DCC: variants seen among roughly 807,000 people sequenced by gnomAD.
DCC encodes DCC netrin 1 receptor, also known as netrin receptor DCC.
DCC carries 58 observed loss-of-function variants against 172.5 expected under a neutral mutation model. The observed-to-expected ratio is 0.34, with a 90% confidence interval of 0.27 to 0.42. DCC has a LOEUF of 0.42. Ranked by LOEUF, DCC falls within the 10% of genes least tolerant of loss-of-function variation. The pLI is 1.00. For synonymous variants in DCC, 709 were observed against 644.5 expected (o/e 1.10, Z -1.52); for missense variants, 1,740 against 1,791.0 (o/e 0.97, Z 0.51).
chr18:52,371,313 A>G (rs528874113), intron 1 of DCC, among the ~76,000 whole-genome samples: 6 of 152,356 alleles, frequency 3.9e-5, no homozygotes, highest in African/African-American at 9.6e-5. Context: ...GGGAAATACC[A>G]AAGTGAAAAT....
chr18:52,605,501 T>C (rs1223109938), intron 1 of DCC, among the ~76,000 whole-genome samples: 2 of 152,294 alleles, frequency 1.3e-5, no homozygotes, highest in Middle Eastern at 3.4e-3. Context: ...CATACAAAGA[T>C]GTGGTACTTT....
chr18:53,217,166 C>T (rs1204009275), intron 12 of DCC, among the ~76,000 whole-genome samples: 1 of 151,794 alleles, frequency 6.6e-6, no homozygotes, highest in Non-Finnish European at 1.5e-5. Context: ...GTGTATAGGG[C>T]ATTACTGAAT....
intron 2 of DCC, among the ~76,000 whole-genome samples, chr18:52,883,833 C>T (rs912917876): frequency 2.0e-5 from 3 of 151,748 alleles, no homozygotes; most frequent in African/African-American, 7.3e-5. Context: ...TGCTTATTAA[C>T]ATCTTTTTCT....
intron 12 of DCC, among the ~76,000 whole-genome samples, chr18:53,251,233 A>T (rs1479029352): frequency 2.6e-5 from 4 of 151,912 alleles, no homozygotes; most frequent in African/African-American, 9.7e-5. Flanking sequence ...AAAATTCACC[A>T]TGATTTCCTA....
chr18:52,478,976 C>T (rs1260790992), intron 1 of DCC, among the ~76,000 whole-genome samples: 1 of 152,142 alleles, frequency 6.6e-6, no homozygotes, highest in African/African-American at 2.4e-5. Flanking sequence ...AATGGCTCTG[C>T]TGGCATGGGA....
In DCC at chr18:52,670,569, G is replaced by T. The variant is rs139722371; in HGVS notation, c.92-81485G>T. 5.8e-3 allele frequency among the ~76,000 whole-genome samples: 888 copies of T among 152,310 alleles called. 8 individuals are homozygous for T. Among genetic ancestry groups the T allele is most frequent in the African/African-American group, 0.02 (835 of 41,570 alleles). ...TAATTCTGAAAGCTGGCCAGGCGTG[G>T]TGGCTCACGCCTGTAATCCCAGCAC... On this transcript the variant is annotated intron_variant, in intron 1 of 28. Transcript: ENST00000442544.
chr18:52,918,918 CTA>C (rs1467795293), intron 3 of DCC, among the ~76,000 whole-genome samples: 1 of 152,038 alleles, frequency 6.6e-6, no homozygotes, highest in African/African-American at 2.4e-5. Flanking sequence ...GCATAATAAA[CTA>C]AAAAATTTAA....
intron 12 of DCC, among the ~76,000 whole-genome samples, chr18:53,281,990 A>G (rs2056878022): frequency 1.3e-5 from 2 of 152,156 alleles, no homozygotes; most frequent in South Asian, 4.1e-4. Flanking sequence ...AAGCACCCTT[A>G]GTTTAGATAG....
intron 22 of DCC, among the ~76,000 whole-genome samples, chr18:53,442,866 C>G (rs1047228513): frequency 1.3e-5 from 2 of 152,206 alleles, no homozygotes; most frequent in African/African-American, 4.8e-5. Context: ...ACAACATTCC[C>G]TTCAGTCAAA....
chr18:52,980,415 G>A (rs1178499342), intron 5 of DCC, among the ~76,000 whole-genome samples: 2 of 151,814 alleles, frequency 1.3e-5, no homozygotes, highest in Admixed American at 1.3e-4. Flanking sequence ...TTCAGGGTCC[G>A]GTTATCTAGA....
chr18:52,870,064 C>T (rs547809872), intron 2 of DCC, among the ~76,000 whole-genome samples: 26 of 152,162 alleles, frequency 1.7e-4, no homozygotes, highest in Non-Finnish European at 2.5e-4. Flanking sequence ...TGCCAGTGGG[C>T]GACTTGGCCT....
intron 5 of DCC, among the ~76,000 whole-genome samples, chr18:52,954,361 A>C (rs1218928534): frequency 6.6e-6 from 1 of 152,042 alleles, no homozygotes; most frequent in African/African-American, 2.4e-5. Flanking sequence ...TGTCTTAACT[A>C]TTACCAGCTT....
At chr18:53,320,060 C>T (rs1407061489) in intron 13 of DCC, among the ~76,000 whole-genome samples, 7 of 138,808 alleles carry the variant, frequency 5.0e-5, no homozygotes, top group Non-Finnish European at 7.7e-5. Context: ...TTCTACATAA[C>T]GCAAGAGTAC....
At chr18:53,442,126 T>C (rs1322147074) in intron 22 of DCC, among the ~76,000 whole-genome samples, 11 of 152,202 alleles carry the variant, frequency 7.2e-5, no homozygotes, top group African/African-American at 2.7e-4. Flanking sequence ...CTTTCTACTT[T>C]TCTTTTTAGC....
chr18:53,377,027 G>A (rs1031126078), intron 15 of DCC, among the ~76,000 whole-genome samples: 2 of 152,092 alleles, frequency 1.3e-5, no homozygotes, highest in Admixed American at 6.5e-5. Flanking sequence ...GGACTGCCTA[G>A]TTCTGAGGAA....
At chr18:53,529,038 T>TCTCTCACACACA (rs1203799842) in intron 28 of DCC, among the ~76,000 whole-genome samples, 3 of 65,266 alleles carry the variant, frequency 4.6e-5, no homozygotes, top group Non-Finnish European at 9.2e-5. Context: ...TCTCTCTCTC[T>TCTCTCACACACA]CACACACACA....
chr18:53,270,503 T>C (rs569837188), intron 12 of DCC, among the ~76,000 whole-genome samples: 1 of 152,158 alleles, frequency 6.6e-6, no homozygotes, highest in Non-Finnish European at 1.5e-5. Flanking sequence ...AACATTAAAA[T>C]GACGGTTTTG....
At chr18:52,367,597 G>T (rs894483109) in intron 1 of DCC, among the ~76,000 whole-genome samples, 2 of 152,140 alleles carry the variant, frequency 1.3e-5, no homozygotes, top group Non-Finnish European at 2.9e-5. Context: ...GCTTTTCTCG[G>T]CAGAGCCAAT....
At chr18:52,854,083 G>T (rs1367193995) in intron 2 of DCC, among the ~76,000 whole-genome samples, 2 of 152,210 alleles carry the variant, frequency 1.3e-5, no homozygotes, top group South Asian at 2.1e-4. Flanking sequence ...ATGGCAGAAT[G>T]AATTTTAATA....
Sources: allele counts gnomAD v4.1 joint callset (sites outside exome capture counted in the v4.1 genomes callset), GRCh38; gene constraint gnomAD v4.1.1; transcripts MANE v1.5; gene names NCBI Gene and HGNC (gene_info 2026-07-23, HGNC 2026-07-21).